The following TRIM60 variants were observed in gnomAD, a reference collection of about 807,000 sequenced individuals.
The protein encoded by TRIM60 is tripartite motif containing 60, also known as tripartite motif-containing protein 60.
For synonymous variants in TRIM60, 189 were observed against 195.2 expected (o/e 0.97, Z 0.27); for missense variants, 524 against 540.8 (o/e 0.97, Z 0.31).
At chr4:165,032,640 G>A (rs1397443064) in intron 1 of TRIM60, among the ~76,000 whole-genome samples, 1 of 152,124 alleles carries the variant, frequency 6.6e-6, no homozygotes, top group Non-Finnish European at 1.5e-5. Context: ...AAGTGGCCAC[G>A]TGATCTCCAA....
rs1423642547 is a variant in TRIM60, at chr4:165,040,401, A to G, written c.329A>G (p.Lys110Arg). 1 of 1,614,116 alleles carries G rather than the reference A, an allele frequency of 6.2e-7. No homozygotes were observed. The highest frequency in any genetic ancestry group is 1.3e-5 in the African/African-American group (1 of 74,944). ...HNQFLTLFCV[K>R]DLEILCTQCS... ...CAGTTTCTGACCCTCTTCTGTGTTAAAGATCTAGAGATCTTATGTACACAG... is the reference window on the plus strand; with the variant it reads ...CAGTTTCTGACCCTCTTCTGTGTTAGAGATCTAGAGATCTTATGTACACAG... Residue 110 changes from lysine to arginine, a missense_variant, in exon 3 of 3, where the codon AAA becomes AGA. Physicochemically the swap from Lys to Arg is conservative, Grantham distance 26 (BLOSUM62 2). Coordinates refer to ENST00000512596, the MANE Select transcript of TRIM60 (RefSeq NM_152620.3).
chr4:165,040,714 A>G lies in TRIM60; in HGVS notation c.642A>G (p.Ala214=), dbSNP rs1159698787. The change falls in exon 3 of 3, where the codon GCA becomes GCG. Residue 214 remains alanine (A), a synonymous_variant. Transcript: ENST00000512596. The part of the protein sequence containing the change: ...QIQDEEMNIL[A]KLNENLVELS... ...AAGATGAAGAGATGAACATTTTAGCAAAACTAAATGAAAACCTTGTAGAAC... is the reference window on the plus strand; with the variant it reads ...AAGATGAAGAGATGAACATTTTAGCGAAACTAAATGAAAACCTTGTAGAAC... 2 of 1,613,846 alleles carry G rather than the reference A, an allele frequency of 1.2e-6. No homozygotes were observed. The highest frequency in any genetic ancestry group is 1.7e-5 in the Admixed American group (1 of 59,956).
chr4:165,040,124 A>AT lies in TRIM60; in HGVS notation c.53dup (p.Cys19LeufsTer31), dbSNP rs1254643719. 1.2e-6 allele frequency: 2 copies of AT among 1,613,606 alleles called. No individual in the cohort carries two copies. The highest frequency in any genetic ancestry group is 1.7e-6 in the Non-Finnish European group (2 of 1,180,042). ...CCTCCAAGAGGAGTCTAGCTGTCCC[A>AT]TCTGTCTGGAGTACTTGAAAGACCC... On this transcript the variant is annotated frameshift_variant, in exon 3 of 3. Transcript: ENST00000512596. LOFTEE classifies it low-confidence loss of function (END_TRUNC).
chr4:165,039,997 C>T lies in TRIM60; in HGVS notation c.-4-72C>T, dbSNP rs973714286. The T allele has an allele frequency of 2.8e-5, 35 of 1,259,918 alleles. No homozygotes were observed. The African/African-American group carries it at 4.2e-4, about 15-fold the overall frequency. The allele number at this position is 1,259,918 out of a possible 1,614,324, so 78.0% of individuals were successfully genotyped here. On this transcript the variant is annotated intron_variant, in intron 2 of 2. Coordinates refer to ENST00000512596, the MANE Select transcript of TRIM60 (RefSeq NM_152620.3). ...AGGTCTGGGAGGGGTATCCACTTCT[C>T]ACTGGGTTTGCGCTCTACGGAGGCA...
rs146512340 is a variant in TRIM60, at chr4:165,041,221, C to T, written c.1149C>T (p.Gly383=). ...GGCAGGATCAGCCATCAGTTCTGGG[C>T]GGATTCTGGGCAATTGGGCGATACA... The part of the protein sequence containing the change: ...RNWQDQPSVL[G]GFWAIGRYMK... Residue 383 remains glycine (G), a synonymous_variant, in exon 3 of 3, where the codon GGC becomes GGT. Transcript: ENST00000512596. The T allele has an allele frequency of 1.1e-4, 184 of 1,614,116 alleles. 1 individual carries two copies. The African/African-American group carries it at 1.9e-3, about 17-fold the overall frequency.
In TRIM60 at chr4:165,040,523, T is replaced by C; in HGVS notation, c.451T>C (p.Leu151=). The change falls in exon 3 of 3, where the codon TTG becomes CTG. Residue 151 remains leucine (L), a synonymous_variant. Transcript: ENST00000512596. ...REILEGSLEP[L]RNNIERVEKV... ...AATTCTAGAAGGTAGCCTTGAGCCC[T>C]TGAGGAATAATATAGAACGAGTTGA... The C allele has an allele frequency of 6.2e-7, 1 of 1,614,022 alleles. No individual in the cohort carries two copies. The highest frequency in any genetic ancestry group is 8.5e-7 in the Non-Finnish European group (1 of 1,180,018).
chr4:165,036,229 C>T (rs1733619230), intron 1 of TRIM60, among the ~76,000 whole-genome samples: 1 of 145,460 alleles, frequency 6.9e-6, no homozygotes, highest in South Asian at 2.1e-4. Context: ...CTGTAACATC[C>T]TTACATTTTT....
rs776060811 is a variant in TRIM60, at chr4:165,041,396, G to A, written c.1324G>A (p.Asp442Asn). The change falls in exon 3 of 3, where the codon GAT (aspartate) becomes AAT (asparagine). Residue 442 changes from aspartate (D) to asparagine (N), a missense_variant. Physicochemically the swap from Asp to Asn is conservative, Grantham distance 23. Transcript: ENST00000512596. ...TAGGTCTATTCTCTATACTTTTAACGATTGTTTCACAGAAGCCGTTTGGCC... is the reference window on the plus strand; with the variant it reads ...TAGGTCTATTCTCTATACTTTTAACAATTGTTTCACAGAAGCCGTTTGGCC... The part of the protein sequence containing the change: ...NDRSILYTFN[D>N]CFTEAVWPYF... The A allele has an allele frequency of 1.7e-5, 27 of 1,613,298 alleles. No homozygotes were observed. The highest frequency in any genetic ancestry group is 3.3e-5 in the South Asian group (3 of 91,010).
At chr4:165,038,014 A>G (rs181657960) in intron 1 of TRIM60, among the ~76,000 whole-genome samples, 1 of 152,246 alleles carries the variant, frequency 6.6e-6, no homozygotes, top group African/African-American at 2.4e-5. Flanking sequence ...AAAGAATCTC[A>G]GATTATGATT....
intron 1 of TRIM60, among the ~76,000 whole-genome samples, chr4:165,038,855 A>C (rs1733683342): frequency 6.6e-6 from 1 of 151,972 alleles, no homozygotes; most frequent in South Asian, 2.1e-4. Flanking sequence ...AGGGCAGATC[A>C]CATGAGGTCA....
chr4:165,035,300 A>G (rs554721888), intron 1 of TRIM60, among the ~76,000 whole-genome samples: 6 of 152,064 alleles, frequency 3.9e-5, no homozygotes, highest in Admixed American at 1.3e-4. Flanking sequence ...TCTGGCCTCA[A>G]TTGATCTCTT....
rs772047800 is a variant in TRIM60, at chr4:165,041,139, T to G, written c.1067T>G (p.Val356Gly). ...GGCCGACATTACTGGGAAGTAGAAG[T>G]GGGAAACAAACCTAAATGGATATTG... Reference protein sequence around the residue: ...SSGRHYWEVEVGNKPKWILGV... With the variant: ...SSGRHYWEVEGGNKPKWILGV... The change falls in exon 3 of 3, where the codon GTG becomes GGG. Residue 356 changes from valine (V) to glycine (G), a missense_variant. Physicochemically the swap from Val to Gly is moderately radical, Grantham distance 109. Coordinates refer to ENST00000512596, the MANE Select transcript of TRIM60 (RefSeq NM_152620.3). 6.2e-7 allele frequency: 1 copy of G among 1,614,182 alleles called. No homozygotes were observed. The highest frequency in any genetic ancestry group is 2.2e-5 in the East Asian group (1 of 44,884).
intron 1 of TRIM60, among the ~76,000 whole-genome samples, chr4:165,033,434 A>C (rs1380881397): frequency 3.9e-5 from 6 of 152,254 alleles, no homozygotes. Context: ...CCAAAGGTTG[A>C]CAAAAATAAA....
At chr4:165,035,740 T>A (rs1733608086) in intron 1 of TRIM60, among the ~76,000 whole-genome samples, 1 of 150,876 alleles carries the variant, frequency 6.6e-6, no homozygotes. Flanking sequence ...TTTTTTTTTT[T>A]AGACAGAGTT....
Position 165,040,160 on chromosome 4 carries a change from A to T in TRIM60, c.88A>T (p.Asn30Tyr). 6.2e-7 allele frequency: 1 copy of T among 1,614,086 alleles called. No individual in the cohort carries two copies. The part of the protein sequence containing the change: ...LEYLKDPVTI[N>Y]CGHNFCRSCL... ...GTACTTGAAAGACCCAGTGACCATC[A>T]ACTGTGGGCACAACTTCTGTCGCTC... is the stretch of plus-strand genomic sequence containing the variant. Residue 30 changes from asparagine (N) to tyrosine (Y), a missense_variant, in exon 3 of 3, where the codon AAC becomes TAC. Coordinates refer to ENST00000512596, the MANE Select transcript of TRIM60 (RefSeq NM_152620.3).
At chr4:165,033,953 T>G (rs565339671) in intron 1 of TRIM60, among the ~76,000 whole-genome samples, 1 of 152,260 alleles carries the variant, frequency 6.6e-6, no homozygotes, top group South Asian at 2.1e-4. Flanking sequence ...TGTCTTCAGG[T>G]ATCAGAAGAT....
At chr4:165,038,124 C>T (rs893980440) in intron 1 of TRIM60, among the ~76,000 whole-genome samples, 29 of 152,084 alleles carry the variant, frequency 1.9e-4, no homozygotes, top group South Asian at 1.2e-3. Flanking sequence ...TGAGGTGACC[C>T]GAAGGAAAAG....
Position 165,040,104 on chromosome 4 carries a change from A to G in TRIM60, c.32A>G (p.Gln11Arg). The G allele has an allele frequency of 6.2e-7, 1 of 1,613,156 alleles. No individual in the cohort carries two copies. Among genetic ancestry groups the G allele is most frequent in the Admixed American group, 1.7e-5 (1 of 60,016 alleles). The change falls in exon 3 of 3, where the codon CAA becomes CGA. Residue 11 changes from glutamine (Q) to arginine (R), a missense_variant. Physicochemically the swap from Gln to Arg is conservative, Grantham distance 43 (BLOSUM62 1). Transcript: ENST00000512596. Reference sequence around the variant, plus strand: ...TTTGTGACAGCCCTGGTGAACCTCCAAGAGGAGTCTAGCTGTCCCATCTGT... The same window carrying G: ...TTTGTGACAGCCCTGGTGAACCTCCGAGAGGAGTCTAGCTGTCCCATCTGT... Reference protein sequence around the residue: MEFVTALVNLQEESSCPICLE... With the variant: MEFVTALVNLREESSCPICLE...
Position 165,041,109 on chromosome 4 carries a change from G to A in TRIM60, c.1037G>A (p.Ser346Asn), listed in dbSNP as rs755265064. Residue 346 changes from serine (S) to asparagine (N), a missense_variant, in exon 3 of 3, where the codon AGT becomes AAT. Coordinates refer to ENST00000512596, the MANE Select transcript of TRIM60 (RefSeq NM_152620.3). ...GCTGTCCTAGGCTCTCAGAGATTTA[G>A]TTCTGGCCGACATTACTGGGAAGTA... Reference protein sequence around the residue: ...CPAVLGSQRFSSGRHYWEVEV... With the variant: ...CPAVLGSQRFNSGRHYWEVEV... The A allele has an allele frequency of 6.2e-7, 1 of 1,614,210 alleles. No individual in the cohort carries two copies. The highest frequency in any genetic ancestry group is 1.1e-5 in the South Asian group (1 of 91,086).
Sources: allele counts gnomAD v4.1 joint callset (sites outside exome capture counted in the v4.1 genomes callset), GRCh38; gene constraint gnomAD v4.1.1; transcripts MANE v1.5; gene names NCBI Gene and HGNC (gene_info 2026-07-23, HGNC 2026-07-21).